The following ANO3 variants were observed in gnomAD, a reference collection of about 807,000 sequenced individuals.
The protein encoded by ANO3 is anoctamin-3.
In ANO3, 99 loss-of-function variants were observed where a neutral mutation model predicts 144.8. That is an observed-to-expected ratio of 0.68 (90% CI 0.58 to 0.81). The LOEUF is 0.81. ANO3 is among the 30% of genes least tolerant of loss of function. The probability of loss-of-function intolerance (pLI) is 0.00; values close to 1 mark genes in which losing one functional copy is unlikely to be tolerated. For missense variants in ANO3, 905 were observed against 1,202.2 expected, an observed-to-expected ratio of 0.75 and a Z score of 3.66; for synonymous variants, 414 against 392.6, an observed-to-expected ratio of 1.05 and a Z score of -0.64.
At chr11:26,465,945 A>G (rs115638759) in intron 4 of ANO3, among the ~76,000 whole-genome samples, 4 of 151,976 alleles carry the variant, frequency 2.6e-5, no homozygotes, top group Non-Finnish European at 4.4e-5. Flanking sequence ...AATGCATTGT[A>G]TCTTTAGAAT....
intron 1 of ANO3, among the ~76,000 whole-genome samples, chr11:26,279,728 G>A (rs1470427482): frequency 6.6e-6 from 1 of 152,134 alleles, no homozygotes; most frequent in Non-Finnish European, 1.5e-5. Flanking sequence ...TGACAACTGG[G>A]AGTGAGGCTT....
At chr11:26,353,348 T>C (rs1855695106) in intron 1 of ANO3, among the ~76,000 whole-genome samples, 1 of 152,168 alleles carries the variant, frequency 6.6e-6, no homozygotes, top group African/African-American at 2.4e-5. Flanking sequence ...CCACATTCTG[T>C]TTTTCAGGGT....
At position 26,244,452 on chromosome 11, in the gene ANO3, TAGTC is replaced by T. The variant is rs199608466; in HGVS notation, c.154+55126_154+55129del. On this transcript the variant is annotated intron_variant, in intron 1 of 27. Coordinates refer to the ANO3 transcript ENST00000672621. ...ATCTTTGGATTATTTTTATACCACT[TAGTC>T]AGTGAGAACCACTACAAACGAAACT... Among the ~76,000 whole-genome samples, 745 of 152,318 alleles carry T rather than the reference TAGTC, an allele frequency of 4.9e-3. 6 individuals carry two copies. The highest frequency in any genetic ancestry group is 0.017 in the African/African-American group (703 of 41,574).
intron 1 of ANO3, among the ~76,000 whole-genome samples, chr11:26,212,177 T>G (rs1445099272): frequency 2.0e-5 from 3 of 151,896 alleles, no homozygotes; most frequent in African/African-American, 7.3e-5. Context: ...CTGCACATTC[T>G]GCACATATAC....
chr11:26,424,255 A>C (rs80192989), intron 1 of ANO3, among the ~76,000 whole-genome samples: 3,013 of 116,224 alleles, frequency 0.026, 109 homozygotes, highest in African/African-American at 0.13. Context: ...CTCCCCCCCC[A>C]CACACACACA....
At chr11:26,557,971 G>C (rs1165409734) in intron 13 of ANO3, among the ~76,000 whole-genome samples, 1 of 152,160 alleles carries the variant, frequency 6.6e-6, no homozygotes, top group Non-Finnish European at 1.5e-5. Context: ...AGCAAGTTCT[G>C]AAGTCTTCTC....
intron 1 of ANO3, among the ~76,000 whole-genome samples, chr11:26,289,890 G>A (rs1216461353): frequency 6.6e-6 from 1 of 151,202 alleles, no homozygotes; most frequent in African/African-American, 2.4e-5. Flanking sequence ...CTCTTTTTTT[G>A]TTGTATCTCT....
At position 26,534,028 on chromosome 11, in the gene ANO3, G is replaced by T. The variant is rs1465217346; in HGVS notation, c.870-428G>T. Among the ~76,000 whole-genome samples, 4 of 152,058 alleles carry T rather than the reference G, an allele frequency of 2.6e-5. 1 individual carries two copies. Among genetic ancestry groups the T allele is most frequent in the Non-Finnish European group, 5.9e-5 (4 of 68,018 alleles). The stretch of plus-strand genomic sequence containing the variant: ...GTTCTTCATTGCTACTCTTCCCATG[G>T]GGACAATAATAGAGCATCAAGGGAA... On this transcript the variant is annotated intron_variant, in intron 8 of 26. Transcript: ENST00000256737.
rs546326656 is a variant in ANO3 at position 26,325,560 on chromosome 11, A to G, written c.-3+15841A>G. Among the ~76,000 whole-genome samples the G allele has an allele frequency of 7.2e-5, 11 of 152,314 alleles. No individual in the cohort carries two copies. In the South Asian group the frequency reaches 2.3e-3, roughly 32 times the overall value. ...ATACATAAATGGTTTCAAGTCATCA[A>G]TATTTATTTTCATAAGTAAATTAAA... On this transcript the variant is annotated intron_variant, in intron 1 of 26. Coordinates refer to the ANO3 transcript ENST00000525139.
At chr11:26,504,138 A>G (rs1861316105) in intron 4 of ANO3, among the ~76,000 whole-genome samples, 1 of 152,232 alleles carries the variant, frequency 6.6e-6, no homozygotes, top group Non-Finnish European at 1.5e-5. Context: ...TGAGTCACAG[A>G]TATAAAGCAA....
chr11:26,621,679 GT>G (rs1852420390), intron 17 of ANO3, among the ~76,000 whole-genome samples: 1 of 152,172 alleles, frequency 6.6e-6, no homozygotes, highest in East Asian at 1.9e-4. Flanking sequence ...TGAAATTTGA[GT>G]TCTATGAAAG....
At chr11:26,482,763 A>G (rs1399674510) in intron 4 of ANO3, among the ~76,000 whole-genome samples, 1 of 152,042 alleles carries the variant, frequency 6.6e-6, no homozygotes, top group East Asian at 1.9e-4. Context: ...CTCCCCTTCT[A>G]ACCTTCTGAG....
chr11:26,242,499 C>A (rs956395703), intron 1 of ANO3, among the ~76,000 whole-genome samples: 6 of 152,190 alleles, frequency 3.9e-5, no homozygotes, highest in African/African-American at 1.4e-4. Context: ...CCCTTACTTT[C>A]TCTATTCATC....
At chr11:26,534,429 A>G (rs1406443642) in intron 8 of ANO3, 27 bp from the exon 9 acceptor site, 2 of 1,491,306 alleles carry the variant, frequency 1.3e-6, no homozygotes, top group Non-Finnish European at 1.9e-6. Flanking sequence ...TGCTTTGAAT[A>G]TTAAACCAAT....
At chr11:26,366,626 G>C (rs11828427) in intron 1 of ANO3, among the ~76,000 whole-genome samples, 21,576 of 151,604 alleles carry the variant, frequency 0.14, 1,652 homozygotes, top group South Asian at 0.27. Context: ...TCTCCACATC[G>C]TCTCCAGCAC....
chr11:26,594,118 T>C (rs1851535821), intron 14 of ANO3, among the ~76,000 whole-genome samples: 1 of 152,190 alleles, frequency 6.6e-6, no homozygotes, highest in Non-Finnish European at 1.5e-5. Context: ...TTTCTTCCTT[T>C]CCCTGTGTTA....
At position 26,586,084 on chromosome 11, in the gene ANO3, A is replaced by T. The variant is rs1206876140; in HGVS notation, c.1448-12281A>T. On this transcript the variant is annotated intron_variant, in intron 14 of 26. Coordinates refer to ENST00000256737, the MANE Select transcript of ANO3 (RefSeq NM_031418.4). ...TGACTGCTCTTCTACCTCTTCCATC[A>T]GCACAACTGCTTATTCTCTAGGCTA... 2.6e-5 allele frequency among the ~76,000 whole-genome samples: 4 copies of T among 152,166 alleles called. No individual in the cohort carries two copies. The East Asian group carries it at 7.7e-4, about 29-fold the overall frequency.
intron 1 of ANO3, among the ~76,000 whole-genome samples, chr11:26,262,848 G>T (rs1358885457): frequency 2.0e-5 from 3 of 152,018 alleles, no homozygotes; most frequent in African/African-American, 7.3e-5. Context: ...GACAAGAGCT[G>T]CACATTGATC....
chr11:26,293,383 G>T (rs955245674), intron 1 of ANO3, among the ~76,000 whole-genome samples: 5 of 151,218 alleles, frequency 3.3e-5, no homozygotes, highest in South Asian at 2.1e-4. Flanking sequence ...GTGTCATTTA[G>T]TGAGCATTTT....
Sources: gnomAD v4.1 joint callset for allele counts (sites outside exome capture counted in the v4.1 genomes callset) on GRCh38, gnomAD v4.1.1 for gene constraint, MANE v1.5 for transcripts, NCBI Gene and HGNC (gene_info 2026-07-23, HGNC 2026-07-21) for gene names.